AK8: variants seen among roughly 807,000 people sequenced by gnomAD.
AK8 encodes adenylate kinase 8.
AK8 carries 44 observed loss-of-function variants against 54.6 expected under a neutral mutation model. The ratio of observed to expected loss-of-function variants is 0.81; its 90% CI spans 0.63 to 1.04. The LOEUF is 1.04. Ranked by LOEUF, AK8 falls within the 50% of genes least tolerant of loss-of-function variation. The probability of loss-of-function intolerance (pLI) is 0.00; values close to 1 mark genes in which losing one functional copy is unlikely to be tolerated. For synonymous variants in AK8, 239 were observed against 245.6 expected, an observed-to-expected ratio of 0.97 and a Z score of 0.25; for missense variants, 555 against 613.6, an observed-to-expected ratio of 0.90 and a Z score of 1.01.
intron 6 of AK8, among the ~76,000 whole-genome samples, chr9:132,828,429 G>T (rs1345262632): frequency 1.3e-5 from 2 of 152,204 alleles, no homozygotes; most frequent in African/African-American, 4.8e-5. Context: ...CTGAGACAAG[G>T]AATCGCCAGG....
At chr9:132,729,701 T>C (rs1836743726) in intron 11 of AK8, among the ~76,000 whole-genome samples, 1 of 152,174 alleles carries the variant, frequency 6.6e-6, no homozygotes, top group South Asian at 2.1e-4. Flanking sequence ...GTCTCCTCCT[T>C]GACGACATTG....
At chr9:132,807,949 G>A (rs12003848) in intron 10 of AK8, among the ~76,000 whole-genome samples, 11,810 of 151,960 alleles carry the variant, frequency 0.078, 549 homozygotes, top group Admixed American at 0.13. Flanking sequence ...GTGAGCCACC[G>A]CTGATTTAAG....
At chr9:132,845,161 A>AT (rs1303762657) in intron 5 of AK8, among the ~76,000 whole-genome samples, 27 of 152,232 alleles carry the variant, frequency 1.8e-4, no homozygotes, top group Admixed American at 1.8e-3. Flanking sequence ...CTGCAATGTC[A>AT]TGTAGCAGAT....
Position 132,863,646 on chromosome 9 carries a change from TC to T in AK8, c.333+18del. The stretch of plus-strand genomic sequence containing the variant: ...CACTGCTGCTGTGTGCCTACCCCTG[TC>T]CCCGGGGCCAGTCCTACCTTCCTTT... On this transcript the variant is annotated intron_variant, in intron 4 of 12. Transcript: ENST00000298545. The T allele has an allele frequency of 6.3e-7, 1 of 1,576,464 alleles. No homozygotes were observed.
chr9:132,804,303 G>A (rs1368892555), intron 10 of AK8, among the ~76,000 whole-genome samples: 1 of 152,064 alleles, frequency 6.6e-6, no homozygotes, highest in Non-Finnish European at 1.5e-5. Context: ...CATGAGCCCT[G>A]CGGGAGCTGA....
chr9:132,746,229 C>T (rs1399051940), intron 11 of AK8, among the ~76,000 whole-genome samples: 2 of 152,194 alleles, frequency 1.3e-5, no homozygotes, highest in Non-Finnish European at 2.9e-5. Context: ...TGCACACACA[C>T]ACATAGACAC....
At chr9:132,832,159 A>AC (rs1255604341) in intron 5 of AK8, among the ~76,000 whole-genome samples, 1 of 151,420 alleles carries the variant, frequency 6.6e-6, no homozygotes, top group Non-Finnish European at 1.5e-5. Context: ...AAAAAAAAAA[A>AC]AAAAAAAACC....
chr9:132,765,203 GA>G (rs1249881088), intron 11 of AK8, among the ~76,000 whole-genome samples: 1 of 146,548 alleles, frequency 6.8e-6, no homozygotes, highest in Non-Finnish European at 1.5e-5. Context: ...TGAGGCGGGA[GA>G]GTTGCTTGAG....
chr9:132,824,716 T>C (rs891639475), intron 8 of AK8, among the ~76,000 whole-genome samples: 8 of 152,104 alleles, frequency 5.3e-5, no homozygotes, highest in African/African-American at 1.9e-4. Flanking sequence ...ATTGTGAAAA[T>C]CCTGAACTCT....
intron 5 of AK8, among the ~76,000 whole-genome samples, chr9:132,848,115 CAAAAAAAAAAA>C (rs796764891): frequency 0.011 from 555 of 52,552 alleles, 12 homozygotes; most frequent in African/African-American, 0.038. Flanking sequence ...CACCCTGTTT[CAAAAAAAAAAA>C]AAAAAAAAAA....
chr9:132,823,136 C>G, intron 9 of AK8, 69 bp downstream of exon 9: 1 of 1,484,616 alleles, frequency 6.7e-7, no homozygotes, highest in Non-Finnish European at 8.9e-7. Context: ...AAAATGAGAG[C>G]TGGGGAGGAG....
Position 132,869,106 on chromosome 9 carries a change from GGAGGTGGAGGTT to G in AK8, c.170-2165_170-2154del, listed in dbSNP as rs1159592414. Among the ~76,000 whole-genome samples, 6 of 152,318 alleles carry G rather than the reference GGAGGTGGAGGTT, an allele frequency of 3.9e-5. No homozygotes were observed. In the East Asian group the frequency reaches 1.2e-3, roughly 29 times the overall value. ...GACACAGGAGAATCACTTGAACCTG[GGAGGTGGAGGTT>G]GCAGTGAGCTGAGACTGCGCCACTG... On this transcript the variant is annotated intron_variant, in intron 2 of 12. Coordinates refer to ENST00000298545, the MANE Select transcript of AK8 (RefSeq NM_152572.3).
At chr9:132,734,190 T>C (rs572236383) in intron 11 of AK8, among the ~76,000 whole-genome samples, 3 of 152,236 alleles carry the variant, frequency 2.0e-5, no homozygotes, top group Admixed American at 6.5e-5. Flanking sequence ...AAAATACAGA[T>C]TGCAGGCACC....
intron 5 of AK8, among the ~76,000 whole-genome samples, chr9:132,832,128 C>T (rs1488073178): frequency 2.1e-5 from 3 of 141,114 alleles, no homozygotes; most frequent in African/African-American, 8.0e-5. Context: ...TTTAGGTTCC[C>T]GTAGCCTCCA....
intron 10 of AK8, among the ~76,000 whole-genome samples, chr9:132,795,206 C>G (rs968905781): frequency 1.3e-5 from 2 of 152,206 alleles, no homozygotes; most frequent in South Asian, 2.1e-4. Context: ...ACCTCCTCCT[C>G]CTCTCCCCAG....
chr9:132,813,184 G>A (rs1293390895), intron 10 of AK8, among the ~76,000 whole-genome samples: 4 of 150,606 alleles, frequency 2.7e-5, no homozygotes, highest in African/African-American at 7.4e-5. Context: ...TGTGGCCACC[G>A]CAGACACCCA....
intron 11 of AK8, among the ~76,000 whole-genome samples, chr9:132,766,811 C>G (rs10115625): frequency 0.51 from 77,853 of 152,062 alleles, 23,576 homozygotes; most frequent in East Asian, 0.81. Context: ...GAATAGAAAT[C>G]CATAAATAAG....
intron 5 of AK8, among the ~76,000 whole-genome samples, chr9:132,840,481 G>A (rs1316842895): frequency 2.0e-5 from 3 of 151,706 alleles, no homozygotes; most frequent in Non-Finnish European, 2.9e-5. Context: ...AAGGCAGTCT[G>A]CAGCTGGCTC....
chr9:132,746,451 T>C (rs919755646), intron 11 of AK8, among the ~76,000 whole-genome samples: 3 of 152,184 alleles, frequency 2.0e-5, no homozygotes, highest in Non-Finnish European at 4.4e-5. Flanking sequence ...GTTCCCCATC[T>C]AAGGGGACAG....
Sources: gnomAD v4.1 joint callset for allele counts (sites outside exome capture counted in the v4.1 genomes callset) on GRCh38, gnomAD v4.1.1 for gene constraint, MANE v1.5 for transcripts, NCBI Gene and HGNC (gene_info 2026-07-23, HGNC 2026-07-21) for gene names.